Variants in PRUNE2 observed in about 807,000 individuals in gnomAD.
PRUNE2 encodes the protein prune homolog 2 with BCH domain.
A neutral mutation model predicts 252.0 loss-of-function variants in PRUNE2; 164 were observed. That is an observed-to-expected ratio of 0.65 (90% CI 0.57 to 0.74). PRUNE2 has a LOEUF of 0.74. PRUNE2 is among the 30% of genes least tolerant of loss of function. PRUNE2 has a pLI of 0.00. For synonymous variants in PRUNE2, 1,292 were observed against 1,350.2 expected (o/e 0.96, Z 0.94); for missense variants, 3,495 against 3,711.0 (o/e 0.94, Z 1.51).
intron 12 of PRUNE2, among the ~76,000 whole-genome samples, chr9:76,638,842 A>G (rs115523398): frequency 0.029 from 4,403 of 152,308 alleles, 232 homozygotes; most frequent in African/African-American, 0.1. Context: ...AGACAAGTAA[A>G]ACACCTTTAT....
chr9:76,799,258 T>C (rs1188233972), intron 6 of PRUNE2, among the ~76,000 whole-genome samples: 1 of 151,782 alleles, frequency 6.6e-6, no homozygotes, highest in African/African-American at 2.4e-5. Flanking sequence ...GGAGAATTGC[T>C]TGAACCCAGG....
At chr9:76,641,917 C>T (rs894363671) in intron 12 of PRUNE2, 1 of 1,518,498 alleles carries the variant, frequency 6.6e-7, no homozygotes, top group African/African-American at 1.4e-5. Context: ...GCCAGCAACT[C>T]TTCTCCTCAT....
chr9:76,696,462 G>A (rs573620882), intron 9 of PRUNE2, among the ~76,000 whole-genome samples: 1 of 152,134 alleles, frequency 6.6e-6, no homozygotes, highest in East Asian at 1.9e-4. Flanking sequence ...TTGTTTGTTT[G>A]TTATCCAGGC....
chr9:76,638,641 GA>G lies in PRUNE2; in HGVS notation c.8729-354del, dbSNP rs1841190342. On this transcript the variant is annotated intron_variant, in intron 12 of 18. Transcript: ENST00000376718. Reference sequence around the variant, plus strand: ...GGGGGCAAGACTGACCTAAATGTCAGATTTATATCATACTAATACATAAGTA... The same window carrying G: ...GGGGGCAAGACTGACCTAAATGTCAGTTTATATCATACTAATACATAAGTA... 2.6e-5 allele frequency among the ~76,000 whole-genome samples: 4 copies of G among 152,160 alleles called. No homozygotes were observed. In the South Asian group the frequency reaches 8.3e-4, roughly 31 times the overall value.
At chr9:76,811,812 G>C (rs1217856577) in intron 6 of PRUNE2, among the ~76,000 whole-genome samples, 1 of 152,166 alleles carries the variant, frequency 6.6e-6, no homozygotes. Flanking sequence ...AATTTAAAGG[G>C]AAAGCCTTAG....
At chr9:76,673,190 A>T (rs2133984758) in intron 9 of PRUNE2, among the ~76,000 whole-genome samples, 1 of 152,260 alleles carries the variant, frequency 6.6e-6, no homozygotes, top group East Asian at 1.9e-4. Context: ...GAGAAAAATC[A>T]AATAGACACA....
At chr9:76,773,352 T>C (rs917570301) in intron 6 of PRUNE2, among the ~76,000 whole-genome samples, 22 of 152,188 alleles carry the variant, frequency 1.4e-4, no homozygotes, top group Admixed American at 5.2e-4. Context: ...GGTTGATTTA[T>C]AGCGGACAAT....
chr9:76,774,840 A>G (rs1379070033), intron 6 of PRUNE2, among the ~76,000 whole-genome samples: 2 of 152,194 alleles, frequency 1.3e-5, no homozygotes, highest in Non-Finnish European at 2.9e-5. Flanking sequence ...ACCTTTGAGT[A>G]GTGAAAAGAT....
chr9:76,722,843 G>A (rs2047764338), intron 6 of PRUNE2, among the ~76,000 whole-genome samples: 1 of 152,192 alleles, frequency 6.6e-6, no homozygotes, highest in Admixed American at 6.5e-5. Context: ...TAACTTCAGA[G>A]CCCATGTTTT....
At chr9:76,867,716 G>A (rs2060929037) in intron 1 of PRUNE2, among the ~76,000 whole-genome samples, 1 of 151,982 alleles carries the variant, frequency 6.6e-6, no homozygotes, top group Non-Finnish European at 1.5e-5. Flanking sequence ...TTACAGGCGC[G>A]TGCCACCATG....
In PRUNE2 at chr9:76,706,285, G is replaced by T; in HGVS notation, c.5989C>A (p.Gln1997Lys). The change falls in exon 8 of 19, where the codon CAG (glutamine) becomes AAG (lysine). Residue 1997 changes from glutamine to lysine, a missense_variant. Gln to Lys is a moderately conservative substitution (Grantham distance 53, BLOSUM62 1). Coordinates refer to ENST00000376718, the MANE Select transcript of PRUNE2 (RefSeq NM_015225.3). The part of the protein sequence containing the change: ...VSTNEGQETN[Q>K]WEQEKSYLGE... Reference sequence around the variant, plus strand: ...AGGTATGATTTTTCTTGTTCCCACTGATTTGTTTCTTGACCTTCATTAGTT... The same window carrying T: ...AGGTATGATTTTTCTTGTTCCCACTTATTTGTTTCTTGACCTTCATTAGTT... 3.7e-6 allele frequency: 6 copies of T among 1,613,988 alleles called. No homozygotes were observed. Among genetic ancestry groups the T allele is most frequent in the Non-Finnish European group, 4.2e-6 (5 of 1,179,870 alleles).
intron 1 of PRUNE2, among the ~76,000 whole-genome samples, chr9:76,879,878 C>CATATATATATAT (rs1391636538): frequency 1.3e-4 from 10 of 75,374 alleles, no homozygotes; most frequent in African/African-American, 6.8e-4. Flanking sequence ...AGAGGCCTGT[C>CATATATATATAT]ATATATATAT....
At chr9:76,638,866 C>G (rs1377544630) in intron 12 of PRUNE2, among the ~76,000 whole-genome samples, 3 of 152,174 alleles carry the variant, frequency 2.0e-5, no homozygotes. Flanking sequence ...GATTTCGAGG[C>G]CTGCAGTGCC....
chr9:76,713,286 A>G (rs1255669255), intron 7 of PRUNE2, among the ~76,000 whole-genome samples: 2 of 152,204 alleles, frequency 1.3e-5, no homozygotes, highest in African/African-American at 4.8e-5. Flanking sequence ...GTCCTAGAAG[A>G]AAATAGCACC....
chr9:76,717,262 G>A (rs2047230108), intron 6 of PRUNE2, among the ~76,000 whole-genome samples: 1 of 152,196 alleles, frequency 6.6e-6, no homozygotes, highest in Non-Finnish European at 1.5e-5. Context: ...ATTAAACAAG[G>A]GAATGAGTGA....
intron 1 of PRUNE2, chr9:76,863,357 T>C (rs1406027482): frequency 2.6e-5 from 4 of 151,858 alleles, no homozygotes; most frequent in Admixed American, 1.3e-4. Context: ...ATTATGATTA[T>C]GAGTGCTTTA....
chr9:76,704,935 T>C lies in PRUNE2; in HGVS notation c.7339A>G (p.Lys2447Glu). ...RRSEGNQAET[K>E]NRLPGSQLAV... ...AGCTGGGATCCAGGCAGTCTGTTTT[T>C]GGTCTCAGCCTGGTTTCCCTCACTT... is the stretch of plus-strand genomic sequence containing the variant. Residue 2447 changes from lysine (K) to glutamate (E), a missense_variant, in exon 8 of 19, where the codon AAA becomes GAA. Physicochemically the swap from Lys to Glu is moderately conservative, Grantham distance 56. Coordinates refer to ENST00000376718, the MANE Select transcript of PRUNE2 (RefSeq NM_015225.3). 1 of 1,612,632 alleles carries C rather than the reference T, an allele frequency of 6.2e-7. No individual in the cohort carries two copies. Among genetic ancestry groups the C allele is most frequent in the Non-Finnish European group, 8.5e-7 (1 of 1,179,214 alleles).
rs994024349 is a variant in PRUNE2, at chr9:76,678,686, G to A, written c.8277-23184C>T. On this transcript the variant is annotated intron_variant, in intron 9 of 18. Transcript: ENST00000376718. ...CTACTAAAAATACAAAAAATTAGCC[G>A]GGCGTGGTGGCGGGCGCCTGTAGTC... Among the ~76,000 whole-genome samples, 9 of 151,804 alleles carry A rather than the reference G, an allele frequency of 5.9e-5. No individual in the cohort carries two copies. In the East Asian group the frequency reaches 9.8e-4, roughly 17 times the overall value.
chr9:76,847,895 T>G (rs2059753549), intron 3 of PRUNE2, among the ~76,000 whole-genome samples: 1 of 152,248 alleles, frequency 6.6e-6, no homozygotes, highest in African/African-American at 2.4e-5. Flanking sequence ...AGATTTTGAT[T>G]GACACACACT....
Sources: allele counts gnomAD v4.1 joint callset (sites outside exome capture counted in the v4.1 genomes callset), GRCh38; gene constraint gnomAD v4.1.1; transcripts MANE v1.5; gene names NCBI Gene and HGNC (gene_info 2026-07-23, HGNC 2026-07-21).